GMEB1: variants seen among roughly 807,000 people sequenced by gnomAD.
GMEB1 encodes the protein glucocorticoid modulatory element binding protein 1, also known as glucocorticoid modulatory element-binding protein 1.
GMEB1 carries 6 observed loss-of-function variants against 52.4 expected under a neutral mutation model. The observed-to-expected ratio is 0.11, with a 90% CI of 0.06 to 0.23. The LOEUF is 0.23. GMEB1 is among the 10% of genes least tolerant of loss of function. The pLI, the probability that GMEB1 is intolerant of heterozygous loss-of-function variation, is 1.00. For missense variants in GMEB1, 486 were observed against 685.6 expected (o/e 0.71, Z 3.25); for synonymous variants, 255 against 244.9 (o/e 1.04, Z -0.38).
intron 3 of GMEB1, among the ~76,000 whole-genome samples, 180 bp downstream of exon 3, chr1:28,690,366 C>T (rs890869045): frequency 6.6e-6 from 1 of 151,974 alleles, no homozygotes; most frequent in African/African-American, 2.4e-5. Flanking sequence ...ACACCACTGA[C>T]TAAGATGCTA....
chr1:28,699,781 T>C (rs768968623), intron 6 of GMEB1, among the ~76,000 whole-genome samples: 3 of 150,668 alleles, frequency 2.0e-5, no homozygotes, highest in Non-Finnish European at 3.0e-5. Flanking sequence ...GCTGAAAAAA[T>C]GACCTCTTAA....
chr1:28,709,875 G>A (rs532291088), intron 8 of GMEB1, among the ~76,000 whole-genome samples: 19 of 152,210 alleles, frequency 1.2e-4, no homozygotes, highest in African/African-American at 4.1e-4. Flanking sequence ...TTGGCCGGGC[G>A]CGGTGGCTTG....
intron 4 of GMEB1, among the ~76,000 whole-genome samples, chr1:28,692,237 A>G (rs1181828871): frequency 6.6e-6 from 1 of 150,404 alleles, no homozygotes; most frequent in Non-Finnish European, 1.5e-5. Flanking sequence ...TTGCATCTTC[A>G]AAAAAAACTA....
In GMEB1 at chr1:28,718,636, T is replaced by G. The variant is rs532453720; in HGVS notation, c.*3863T>G. 6.6e-6 allele frequency: 1 copy of G among 152,224 alleles called. No individual in the cohort carries two copies. The highest frequency in any genetic ancestry group is 2.4e-5 in the African/African-American group (1 of 41,530). The allele number at this position is 152,224 out of a possible 1,614,324, so 9.4% of individuals were successfully genotyped here. A position where few individuals can be genotyped will look rare whatever the true frequency, so the allele number is the denominator to read the frequency against. On this transcript the variant is annotated 3_prime_UTR_variant, in exon 10 of 10. Transcript: ENST00000373816. ...AAACTACACATTTCATTATAATTGT[T>G]TTTTTTTGTAATTTTATGTATTTTA... is the stretch of plus-strand genomic sequence containing the variant.
rs371679865 is a variant in GMEB1 at position 28,690,202 on chromosome 1, T to TGG, written c.211+17_211+18insGG. The stretch of plus-strand genomic sequence containing the variant: ...GAAGGGATTGGTAAGGGTTTTTTTG[T>TGG]GTTTTTTTTTTTTTTTTTTTTTGTC... On this transcript the variant is annotated intron_variant, in intron 3 of 9. Transcript: ENST00000373816. 1 of 817,220 alleles carries TGG rather than the reference T, an allele frequency of 1.2e-6. No homozygotes were observed. Among genetic ancestry groups the TGG allele is most frequent in the Non-Finnish European group, 1.8e-6 (1 of 560,778 alleles). 50.6% of individuals were successfully genotyped at this position (817,220 alleles called of 1,614,324 possible). A position where few individuals can be genotyped will look rare whatever the true frequency, so the allele number is the denominator to read the frequency against.
chr1:28,676,264 AT>A (rs1669147081), intron 1 of GMEB1, among the ~76,000 whole-genome samples: 3 of 151,958 alleles, frequency 2.0e-5, no homozygotes, highest in Admixed American at 2.0e-4. Flanking sequence ...TAACTAACCC[AT>A]TTTTTTTGCC....
At chr1:28,673,319 C>T (rs201727755) in intron 1 of GMEB1, among the ~76,000 whole-genome samples, 3 of 152,012 alleles carry the variant, frequency 2.0e-5, no homozygotes, top group Admixed American at 6.6e-5. Context: ...GGCTGTGGCG[C>T]GTTCTTGTCT....
At position 28,718,811 on chromosome 1, in the gene GMEB1, G is replaced by T. The variant is rs1250326197; in HGVS notation, c.*4038G>T. ...TAGGGCTATTGGCTAGGAGCTGAGAGAACAAAGCATGAAGTGCCTAACCCA... is the reference window on the plus strand; with the variant it reads ...TAGGGCTATTGGCTAGGAGCTGAGATAACAAAGCATGAAGTGCCTAACCCA... On this transcript the variant is annotated 3_prime_UTR_variant, in exon 10 of 10. Coordinates refer to ENST00000373816, the MANE Select transcript of GMEB1 (RefSeq NM_001319674.2). 3 of 152,202 alleles carry T rather than the reference G, an allele frequency of 2.0e-5. No individual in the cohort carries two copies. The highest frequency in any genetic ancestry group is 4.4e-5 in the Non-Finnish European group (3 of 68,050). 9.4% of individuals were successfully genotyped at this position (152,202 alleles called of 1,614,324 possible).
rs575552091 is a variant in GMEB1 at position 28,709,610 on chromosome 1, T to C, written c.869-910T>C. On this transcript the variant is annotated intron_variant, in intron 8 of 9. Coordinates refer to ENST00000373816, the MANE Select transcript of GMEB1 (RefSeq NM_001319674.2). ...ATTTTTTTGAGATGGAGTCTGGCCCTGTCTTCCAGGCTGGAGTGCAGTGGC... is the reference window on the plus strand; with the variant it reads ...ATTTTTTTGAGATGGAGTCTGGCCCCGTCTTCCAGGCTGGAGTGCAGTGGC... 2.6e-5 allele frequency among the ~76,000 whole-genome samples: 4 copies of C among 152,210 alleles called. No homozygotes were observed. The East Asian group carries it at 7.8e-4, about 30-fold the overall frequency.
intron 8 of GMEB1, among the ~76,000 whole-genome samples, chr1:28,704,763 A>G (rs1670668753): frequency 6.6e-6 from 1 of 151,916 alleles, no homozygotes; most frequent in Non-Finnish European, 1.5e-5. Flanking sequence ...GCCCACCACC[A>G]CATCCGGCTA....
chr1:28,707,439 A>G (rs1432766689), intron 8 of GMEB1, among the ~76,000 whole-genome samples: 5 of 152,166 alleles, frequency 3.3e-5, no homozygotes, highest in African/African-American at 4.8e-5. Context: ...GAGATAATGT[A>G]TCATGGATTA....
chr1:28,673,249 A>C (rs1474652938), intron 1 of GMEB1, among the ~76,000 whole-genome samples: 5 of 148,956 alleles, frequency 3.4e-5, no homozygotes, highest in Non-Finnish European at 1.5e-5. Flanking sequence ...ATCATGTGAC[A>C]CTTGTCCATT....
intron 4 of GMEB1, among the ~76,000 whole-genome samples, chr1:28,692,457 G>C (rs374236011): frequency 5.3e-5 from 8 of 151,814 alleles, no homozygotes; most frequent in Admixed American, 2.6e-4. Context: ...ACTTGAACCC[G>C]GGGGCAGAGG....
At chr1:28,694,281 C>A (rs1002240611) in intron 5 of GMEB1, among the ~76,000 whole-genome samples, 1 of 150,356 alleles carries the variant, frequency 6.7e-6, no homozygotes, top group Non-Finnish European at 1.5e-5. Context: ...ACCTCTGCCT[C>A]CCGGGTTCAA....
intron 1 of GMEB1, among the ~76,000 whole-genome samples, chr1:28,675,691 A>G (rs1175763223): frequency 2.6e-5 from 4 of 152,042 alleles, no homozygotes; most frequent in East Asian, 1.9e-4. Context: ...AAAAAAAAAA[A>G]AAAAGAAAAG....
chr1:28,702,610 G>A, intron 7 of GMEB1, 41 bp downstream of exon 7: 2 of 1,586,502 alleles, frequency 1.3e-6, no homozygotes, highest in Non-Finnish European at 1.7e-6. Context: ...AGGGTCTTGT[G>A]AGCCTTATCA....
chr1:28,702,625 T>A, intron 7 of GMEB1, 56 bp downstream of exon 7: 1 of 1,517,016 alleles, frequency 6.6e-7, no homozygotes, highest in Non-Finnish European at 9.1e-7. Context: ...TTATCACCAT[T>A]ATCATTATGG....
Position 28,719,281 on chromosome 1 carries a change from C to T in GMEB1, c.*4508C>T, listed in dbSNP as rs982268974. 1 of 152,226 alleles carries T rather than the reference C, an allele frequency of 6.6e-6. No homozygotes were observed. The highest frequency in any genetic ancestry group is 1.5e-5 in the Non-Finnish European group (1 of 68,034). 9.4% of individuals were successfully genotyped at this position (152,226 alleles called of 1,614,324 possible). ...TCTTCCCTTTCTCAATTTCCAAGCTCCACCCACTCCTAAAAACACCAGTCA... is the reference window on the plus strand; with the variant it reads ...TCTTCCCTTTCTCAATTTCCAAGCTTCACCCACTCCTAAAAACACCAGTCA... On this transcript the variant is annotated 3_prime_UTR_variant, in exon 10 of 10. Transcript: ENST00000373816.
At chr1:28,689,383 T>C (rs546740364) in intron 2 of GMEB1, among the ~76,000 whole-genome samples, 52 of 152,044 alleles carry the variant, frequency 3.4e-4, no homozygotes, top group Non-Finnish European at 6.3e-4. Flanking sequence ...TACCAGCACT[T>C]TGGGAGGCCG....
Sources: allele counts gnomAD v4.1 joint callset (sites outside exome capture counted in the v4.1 genomes callset), GRCh38; gene constraint gnomAD v4.1.1; transcripts MANE v1.5; gene names NCBI Gene and HGNC (gene_info 2026-07-23, HGNC 2026-07-21).